Variants in CNTNAP2 observed in about 807,000 individuals in gnomAD.
The protein encoded by CNTNAP2 is contactin associated protein 2, also known as contactin-associated protein-like 2.
Under a neutral mutation model 155.2 loss-of-function variants are expected in CNTNAP2, and 98 were observed. The observed-to-expected ratio is 0.63, with a 90% confidence interval of 0.54 to 0.75. The LOEUF (loss-of-function observed/expected upper bound fraction) is 0.75. Among genes scored for constraint, CNTNAP2 ranks in the 30% least tolerant of loss-of-function variants. The pLI, the probability that CNTNAP2 is intolerant of heterozygous loss-of-function variation, is 0.00. For missense variants in CNTNAP2, 1,727 were observed against 1,688.1 expected, an observed-to-expected ratio of 1.02 and a Z score of -0.40; for synonymous variants, 651 against 631.2, an observed-to-expected ratio of 1.03 and a Z score of -0.47.
At chr7:146,991,756 C>A (rs970949625) in intron 3 of CNTNAP2, among the ~76,000 whole-genome samples, 4 of 152,090 alleles carry the variant, frequency 2.6e-5, no homozygotes, top group African/African-American at 9.7e-5. Flanking sequence ...ATGCTGAGAT[C>A]GTTGAACAAC....
rs556202447 is a variant in CNTNAP2, at chr7:147,178,275, A to G, written c.1348+45766A>G. 2.0e-5 allele frequency among the ~76,000 whole-genome samples: 3 copies of G among 152,342 alleles called. No homozygotes were observed. In the South Asian group the frequency reaches 6.2e-4, roughly 32 times the overall value. On this transcript the variant is annotated intron_variant, in intron 8 of 23. Coordinates refer to ENST00000361727, the MANE Select transcript of CNTNAP2 (RefSeq NM_014141.6). ...TGATAGGTCAAAGGAAGGAGGCAGA[A>G]GAAATCTGAAGTGTGAGAAGGACTC...
At chr7:147,909,744 C>T (rs1483448878) in intron 14 of CNTNAP2, among the ~76,000 whole-genome samples, 3 of 152,062 alleles carry the variant, frequency 2.0e-5, no homozygotes, top group Admixed American at 2.0e-4. Context: ...ATTAGCAATT[C>T]GAAAATGAAA....
chr7:146,338,330 G>A (rs1259842514), intron 1 of CNTNAP2, among the ~76,000 whole-genome samples: 5 of 152,120 alleles, frequency 3.3e-5, no homozygotes, highest in African/African-American at 1.2e-4. Flanking sequence ...CAGAGACTCT[G>A]TGCTTTATGT....
chr7:147,120,607 A>C (rs1016798915), intron 5 of CNTNAP2, among the ~76,000 whole-genome samples: 5 of 151,476 alleles, frequency 3.3e-5, no homozygotes, highest in African/African-American at 7.3e-5. Context: ...ATTTTATTTT[A>C]TTTATTTATT....
At chr7:146,303,609 TTTGA>T (rs1420541098) in intron 1 of CNTNAP2, among the ~76,000 whole-genome samples, 2 of 152,124 alleles carry the variant, frequency 1.3e-5, no homozygotes, top group Non-Finnish European at 2.9e-5. Context: ...TGAGTTCTAG[TTTGA>T]TTGCACTGTG....
chr7:147,169,110 A>T (rs1181459506), intron 8 of CNTNAP2, among the ~76,000 whole-genome samples: 3 of 152,138 alleles, frequency 2.0e-5, no homozygotes, highest in African/African-American at 7.2e-5. Context: ...TTCTGTATAT[A>T]TCTGTAAATT....
At chr7:147,874,569 C>T (rs1432688325) in intron 13 of CNTNAP2, among the ~76,000 whole-genome samples, 2 of 152,296 alleles carry the variant, frequency 1.3e-5, no homozygotes, top group African/African-American at 4.8e-5. Context: ...CCCATGAAAC[C>T]ATTTTTCCCT....
At chr7:147,586,523 G>GAGGA (rs1554408296) in intron 12 of CNTNAP2, among the ~76,000 whole-genome samples, 6 of 42,008 alleles carry the variant, frequency 1.4e-4, no homozygotes, top group Non-Finnish European at 2.0e-4. Context: ...AGAGAGAGAA[G>GAGGA]AGGAAGGAAG....
intron 18 of CNTNAP2, among the ~76,000 whole-genome samples, chr7:148,213,722 C>T (rs1463366699): frequency 6.6e-6 from 1 of 151,634 alleles, no homozygotes; most frequent in African/African-American, 2.4e-5. Context: ...CCAGGCGGCC[C>T]GCCCTGCCTG....
At position 147,433,048 on chromosome 7, in the gene CNTNAP2, C is replaced by T. The variant is rs80139576; in HGVS notation, c.1670+37268C>T. On this transcript the variant is annotated intron_variant, in intron 10 of 23. Coordinates refer to ENST00000361727, the MANE Select transcript of CNTNAP2 (RefSeq NM_014141.6). ...AAACAGAAAGGTAGATAATCAGGCA[C>T]AAGGACTGCTACCTGGCTCACCAGC... Among the ~76,000 whole-genome samples, 1,014 of 152,280 alleles carry T rather than the reference C, an allele frequency of 6.7e-3. 11 individuals are homozygous for T. The highest frequency in any genetic ancestry group is 0.023 in the African/African-American group (951 of 41,544).
intron 1 of CNTNAP2, among the ~76,000 whole-genome samples, chr7:146,585,397 G>C (rs1798674045): frequency 6.6e-6 from 1 of 152,104 alleles, no homozygotes; most frequent in Non-Finnish European, 1.5e-5. Flanking sequence ...TGGGATTACA[G>C]GTGTGAGCTA....
intron 18 of CNTNAP2, among the ~76,000 whole-genome samples, chr7:148,208,823 A>C (rs1585188558): frequency 6.6e-6 from 1 of 150,672 alleles, no homozygotes; most frequent in East Asian, 2.0e-4. Flanking sequence ...TTCTTGAAAA[A>C]CCCTTTTTCC....
intron 8 of CNTNAP2, among the ~76,000 whole-genome samples, chr7:147,182,125 CAAAAAAAAAA>C (rs10718876): frequency 2.2e-5 from 2 of 92,402 alleles, no homozygotes; most frequent in African/African-American, 4.5e-5. Flanking sequence ...GACTCCATCT[CAAAAAAAAAA>C]AAAAAAAAAA....
chr7:148,242,845 C>T (rs1796183854), intron 20 of CNTNAP2, among the ~76,000 whole-genome samples: 2 of 152,190 alleles, frequency 1.3e-5, no homozygotes, highest in African/African-American at 4.8e-5. Flanking sequence ...CAAATTCTTC[C>T]TGCTTTCTGA....
At chr7:147,163,210 A>G (rs1022807641) in intron 8 of CNTNAP2, among the ~76,000 whole-genome samples, 4 of 152,206 alleles carry the variant, frequency 2.6e-5, no homozygotes, top group Non-Finnish European at 5.9e-5. Context: ...AATGAGTCTC[A>G]TGTCAGAAAA....
intron 1 of CNTNAP2, among the ~76,000 whole-genome samples, chr7:146,161,993 C>T (rs1798230985): frequency 6.6e-6 from 1 of 152,080 alleles, no homozygotes; most frequent in Non-Finnish European, 1.5e-5. Flanking sequence ...CTTCCTTACA[C>T]CTTATACAAA....
intron 13 of CNTNAP2, among the ~76,000 whole-genome samples, chr7:147,881,507 T>C (rs1189321395): frequency 6.6e-6 from 1 of 152,166 alleles, no homozygotes; most frequent in African/African-American, 2.4e-5. Context: ...TTCCACCCGC[T>C]GAGTAGTCGT....
In CNTNAP2 at chr7:146,986,626, G is replaced by T. The variant is rs553531561; in HGVS notation, c.403-57281G>T. On this transcript the variant is annotated intron_variant, in intron 3 of 23. Transcript: ENST00000361727. ...ACTTGTTTACATTCCCGCTAGCAGT[G>T]TAGAAGTGTTCCCTCTTCACTCCAT... 2.0e-4 allele frequency among the ~76,000 whole-genome samples: 31 copies of T among 152,244 alleles called. 2 individuals are homozygous for T. In the South Asian group the frequency reaches 6.4e-3, roughly 32 times the overall value.
chr7:148,246,691 T>C (rs1317276936), intron 20 of CNTNAP2, among the ~76,000 whole-genome samples: 1 of 152,208 alleles, frequency 6.6e-6, no homozygotes, highest in Non-Finnish European at 1.5e-5. Flanking sequence ...TTAAATTTTC[T>C]CTCAGTATTT....
Sources: allele counts gnomAD v4.1 joint callset (sites outside exome capture counted in the v4.1 genomes callset), GRCh38; gene constraint gnomAD v4.1.1; transcripts MANE v1.5; gene names NCBI Gene and HGNC (gene_info 2026-07-23, HGNC 2026-07-21).